Variants in CRHBP observed in about 807,000 individuals in gnomAD.
CRHBP encodes corticotropin releasing hormone binding protein.
In CRHBP, 19 loss-of-function variants were observed where a neutral mutation model predicts 34.9. That is an observed-to-expected ratio of 0.55 (90% confidence interval 0.38 to 0.80). The LOEUF (loss-of-function observed/expected upper bound fraction) is 0.80, where lower values mean the gene tolerates loss of function less well. Among genes scored for constraint, CRHBP ranks in the 30% least tolerant of loss-of-function variants. CRHBP has a pLI of 0.00. For synonymous variants in CRHBP, 154 were observed against 153.4 expected, an observed-to-expected ratio of 1.00 and a Z score of -0.03; for missense variants, 328 against 409.2, an observed-to-expected ratio of 0.80 and a Z score of 1.71.
intron 4 of CRHBP, among the ~76,000 whole-genome samples, chr5:76,957,914 TTTGGGAGGCTGAGG>T (rs1485021794): frequency 1.3e-5 from 2 of 152,078 alleles, no homozygotes; most frequent in South Asian, 4.1e-4. Flanking sequence ...AATCCTACAC[TTTGGGAGGCTGAGG>T]CAGGTGAATC....
chr5:76,967,316 T>A (rs1383149049), intron 6 of CRHBP, among the ~76,000 whole-genome samples: 1 of 152,226 alleles, frequency 6.6e-6, no homozygotes, highest in Non-Finnish European at 1.5e-5. Flanking sequence ...TACCTGGTAC[T>A]TATATTAAAA....
chr5:76,973,137 G>A (rs573327515), downstream of CRHBP, among the ~76,000 whole-genome samples: 2 of 152,216 alleles, frequency 1.3e-5, no homozygotes, highest in East Asian at 3.9e-4. Context: ...ATTTTGTTAA[G>A]CCACTGAGAT....
intron 6 of CRHBP, among the ~76,000 whole-genome samples, chr5:76,967,908 A>T (rs1327915378): frequency 6.6e-6 from 1 of 152,152 alleles, no homozygotes; most frequent in Non-Finnish European, 1.5e-5. Context: ...TATGTTGGCC[A>T]GGCTGGTCTC....
chr5:76,977,832 C>A (rs555625013), intron 3 of CRHBP, among the ~76,000 whole-genome samples: 24 of 152,282 alleles, frequency 1.6e-4, no homozygotes, highest in African/African-American at 5.3e-4. Context: ...AAAAGCTAAG[C>A]GTCTTATTCC....
At chr5:76,958,513 A>G (rs1745725415) in intron 4 of CRHBP, among the ~76,000 whole-genome samples, 1 of 152,130 alleles carries the variant, frequency 6.6e-6, no homozygotes, top group South Asian at 2.1e-4. Context: ...TAACATTAGA[A>G]GCCCCCTCAC....
At chr5:76,965,802 G>A (rs764299767) in intron 6 of CRHBP, among the ~76,000 whole-genome samples, 1 of 152,108 alleles carries the variant, frequency 6.6e-6, no homozygotes, top group African/African-American at 2.4e-5. Context: ...ACTTTATTCC[G>A]TTACTGGAAG....
chr5:76,969,030 C>CAT lies in CRHBP; in HGVS notation c.*147_*148dup, dbSNP rs200473063. 2.7e-6 allele frequency: 2 copies of CAT among 730,074 alleles called. No individual in the cohort carries two copies. The highest frequency in any genetic ancestry group is 3.7e-5 in the Admixed American group (1 of 27,092). 45.2% of individuals were successfully genotyped at this position (730,074 alleles called of 1,614,324 possible). On this transcript the variant is annotated 3_prime_UTR_variant, in exon 7 of 7. Coordinates refer to ENST00000274368, the MANE Select transcript of CRHBP (RefSeq NM_001882.4). ...GCGCACGCGCGCACACACACACACA[C>CAT]ATACACACACGCATTAATTTTTGTA...
chr5:76,959,010 T>G (rs1745734211), intron 5 of CRHBP, 121 bp downstream of exon 5: 1 of 967,882 alleles, frequency 1.0e-6, no homozygotes, highest in Non-Finnish European at 1.5e-6. Context: ...TCTGATGAAC[T>G]CTTAAATCTC....
chr5:76,968,998 G>A lies in CRHBP; in HGVS notation c.*113G>A, dbSNP rs547527072. The A allele has an allele frequency of 7.9e-7, 1 of 1,260,918 alleles. No homozygotes were observed. The highest frequency in any genetic ancestry group is 1.5e-5 in the African/African-American group (1 of 67,112). The allele number at this position is 1,260,918 out of a possible 1,614,324, so 78.1% of individuals were successfully genotyped here. A position where few individuals can be genotyped will look rare whatever the true frequency, so the allele number is the denominator to read the frequency against. ...CCTTTCATACCAGTCAGTATTCCCAGCCTTGAGCGCACGCGCGCACACACA... is the reference window on the plus strand; with the variant it reads ...CCTTTCATACCAGTCAGTATTCCCAACCTTGAGCGCACGCGCGCACACACA... On this transcript the variant is annotated 3_prime_UTR_variant, in exon 7 of 7. Transcript: ENST00000274368.
chr5:76,956,236 A>G (rs1360901218), intron 4 of CRHBP, among the ~76,000 whole-genome samples: 1 of 152,170 alleles, frequency 6.6e-6, no homozygotes, highest in Non-Finnish European at 1.5e-5. Context: ...AGAGATATTC[A>G]GGCACAGGCT....
At chr5:76,975,845 T>TATATATATATATAC (rs1237085128) in intron 2 of CRHBP, among the ~76,000 whole-genome samples, 15 of 97,624 alleles carry the variant, frequency 1.5e-4, no homozygotes, top group African/African-American at 4.6e-4. Flanking sequence ...TATATATATA[T>TATATATATATATAC]ACACGCATAT....
rs753968029 is a variant in CRHBP, at chr5:76,958,798, A to T, written c.602A>T (p.Gln201Leu). Residue 201 changes from glutamine (Q) to leucine (L), a missense_variant, in exon 5 of 7, where the codon CAG becomes CTG. Around this residue, in one of 3 missense-constraint regions of CRHBP, gnomAD observed 144 missense variants for 216.7 expected, o/e 0.66. Transcript: ENST00000274368. ...NGKFTLVVPHQHRNCSFSIIY... is the reference protein window; with the variant it reads ...NGKFTLVVPHLHRNCSFSIIY... The stretch of plus-strand genomic sequence containing the variant: ...AAGTTTACCCTGGTAGTTCCACACC[A>T]GCATCGAAACTGCAGCTTCTCCATA... The T allele has an allele frequency of 6.2e-7, 1 of 1,614,082 alleles. No individual in the cohort carries two copies. Among genetic ancestry groups the T allele is most frequent in the South Asian group, 1.1e-5 (1 of 91,042 alleles).
At chr5:76,953,245 C>A (rs893288641) in intron 1 of CRHBP, 30 bp downstream of exon 1, 5 of 1,603,650 alleles carry the variant, frequency 3.1e-6, no homozygotes, top group Non-Finnish European at 4.3e-6. Context: ...ACCCATCTCA[C>A]CTTCCTTGCG....
intron 5 of CRHBP, 71 bp from the exon 6 acceptor site, chr5:76,963,272 G>A (rs368736111): frequency 7.0e-5 from 88 of 1,252,012 alleles, no homozygotes; most frequent in African/African-American, 6.8e-4. Context: ...TCATGGACCC[G>A]CTGTTGGTCA....
At chr5:76,961,543 G>A (rs1318655049) in intron 5 of CRHBP, among the ~76,000 whole-genome samples, 1 of 152,150 alleles carries the variant, frequency 6.6e-6, no homozygotes, top group Non-Finnish European at 1.5e-5. Flanking sequence ...TGTATACAGT[G>A]GGGCTAATTA....
Position 76,953,118 on chromosome 5 carries a change from G to A in CRHBP, c.-17G>A, listed in dbSNP as rs549413418. 1.9e-6 allele frequency: 3 copies of A among 1,613,854 alleles called. No individual in the cohort carries two copies. Among genetic ancestry groups the A allele is most frequent in the Non-Finnish European group, 2.5e-6 (3 of 1,179,690 alleles). ...ACCTCCGGAGCAGAGCACAGCAGCT[G>A]CAGAGGCAAGGCCAGCATGTCGCCC... is the stretch of plus-strand genomic sequence containing the variant. On this transcript the variant is annotated 5_prime_UTR_variant, in exon 1 of 7. Transcript: ENST00000274368.
At position 76,968,972 on chromosome 5, in the gene CRHBP, G is replaced by A. The variant is rs1745904112; in HGVS notation, c.*87G>A. On this transcript the variant is annotated 3_prime_UTR_variant, in exon 7 of 7. Coordinates refer to ENST00000274368, the MANE Select transcript of CRHBP (RefSeq NM_001882.4). ...GATTTTGATGCACAACTAGTTAAAA[G>A]CCTTTCATACCAGTCAGTATTCCCA... is the stretch of plus-strand genomic sequence containing the variant. 1 of 1,479,480 alleles carries A rather than the reference G, an allele frequency of 6.8e-7. No homozygotes were observed. The highest frequency in any genetic ancestry group is 9.2e-7 in the Non-Finnish European group (1 of 1,081,772). 91.6% of individuals were successfully genotyped at this position (1,479,480 alleles called of 1,614,324 possible).
In CRHBP at chr5:76,955,730, C is replaced by T. The variant is rs917067424; in HGVS notation, c.411C>T (p.Tyr137=). ...QDHPLPSAER[Y]IDFCESGLSR... ...ATCCTCTCCCCTCAGCTGAGCGGTA[C>T]ATAGATTTCTGTGAGAGTGGTCTTA... Residue 137 remains tyrosine, a synonymous_variant, in exon 4 of 7, where the codon TAC becomes TAT. Coordinates refer to ENST00000274368, the MANE Select transcript of CRHBP (RefSeq NM_001882.4). 2 of 1,614,194 alleles carry T rather than the reference C, an allele frequency of 1.2e-6. No individual in the cohort carries two copies. The highest frequency in any genetic ancestry group is 8.5e-7 in the Non-Finnish European group (1 of 1,180,026).
intron 5 of CRHBP, among the ~76,000 whole-genome samples, chr5:76,959,730 C>A (rs1745746108): frequency 1.3e-5 from 2 of 152,118 alleles, no homozygotes; most frequent in South Asian, 4.1e-4. Flanking sequence ...CTAGTGCCTG[C>A]TTTTTTTAAG....
Sources: allele counts gnomAD v4.1 joint callset (sites outside exome capture counted in the v4.1 genomes callset), GRCh38; gene constraint gnomAD v4.1.1; regional missense constraint gnomAD v4.1.1; transcripts MANE v1.5; gene names NCBI Gene and HGNC (gene_info 2026-07-23, HGNC 2026-07-21).